ABCA1: variants seen among roughly 807,000 people sequenced by gnomAD.
ABCA1 encodes the protein ATP binding cassette subfamily A member 1, also known as phospholipid-transporting ATPase ABCA1.
In ABCA1, 133 loss-of-function variants were observed where a neutral mutation model predicts 262.5. The observed-to-expected ratio is 0.51, with a 90% CI of 0.44 to 0.59. The LOEUF (loss-of-function observed/expected upper bound fraction) is 0.59, where lower values mean the gene tolerates loss of function less well. ABCA1 is among the 20% of genes least tolerant of loss of function. The probability of loss-of-function intolerance (pLI) is 0.00; values close to 1 mark genes in which losing one functional copy is unlikely to be tolerated. For missense variants in ABCA1, 2,452 were observed against 2,777.5 expected (o/e 0.88, Z 2.63); for synonymous variants, 1,022 against 1,043.5 (o/e 0.98, Z 0.40).
intron 7 of ABCA1, among the ~76,000 whole-genome samples, chr9:104,848,815 A>G (rs550130979): frequency 6.6e-6 from 1 of 152,144 alleles, no homozygotes; most frequent in East Asian, 1.9e-4. Flanking sequence ...TCCGCATACT[A>G]CAATCTGCTT....
rs1400391387 is a variant in ABCA1 at position 104,796,209 on chromosome 9, CA to C, written c.5238-13del. 2 of 1,614,030 alleles carry C rather than the reference CA, an allele frequency of 1.2e-6. No individual in the cohort carries two copies. Among genetic ancestry groups the C allele is most frequent in the African/African-American group, 1.3e-5 (1 of 74,932 alleles). On this transcript the variant is annotated splice_polypyrimidine_tract_variant and intron_variant, in intron 38 of 49. Coordinates refer to ENST00000374736, the MANE Select transcript of ABCA1 (RefSeq NM_005502.4). The stretch of plus-strand genomic sequence containing the variant: ...GTGTGATTGACCACCTGTTGAGACA[CA>C]AAAAGATAAGTGTCTACTGAGAGTC...
intron 20 of ABCA1, 30 bp from the exon 21 acceptor site, chr9:104,820,099 G>GC (rs1832180087): frequency 6.2e-7 from 1 of 1,613,978 alleles, no homozygotes; most frequent in Admixed American, 1.7e-5. Flanking sequence ...TCAGCTCTGG[G>GC]CCCTACTGGA....
At chr9:104,838,872 C>T (rs918244764) in intron 9 of ABCA1, among the ~76,000 whole-genome samples, 25 of 151,618 alleles carry the variant, frequency 1.6e-4, no homozygotes, top group Non-Finnish European at 2.8e-4. Flanking sequence ...ATGAAGGCTT[C>T]CTTGGGTCAA....
At chr9:104,848,771 C>T (rs980696873) in intron 7 of ABCA1, among the ~76,000 whole-genome samples, 2 of 152,056 alleles carry the variant, frequency 1.3e-5, no homozygotes, top group Non-Finnish European at 2.9e-5. Flanking sequence ...GTATGCTTTG[C>T]GCCAACGTGC....
chr9:104,801,958 T>C, intron 34 of ABCA1, 96 bp downstream of exon 34: 1 of 1,127,242 alleles, frequency 8.9e-7, no homozygotes. Flanking sequence ...TTCAGAACAA[T>C]GAGCTGCCAG....
At chr9:104,801,116 T>TAAAAA (rs72121018) in intron 34 of ABCA1, among the ~76,000 whole-genome samples, 115,063 of 145,344 alleles carry the variant, frequency 0.79, 45,568 homozygotes, top group Admixed American at 0.82. Flanking sequence ...CTTGCCAGCT[T>TAAAAA]AAAAAAAAAA....
chr9:104,903,931 C>G (rs1840878880), intron 1 of ABCA1, among the ~76,000 whole-genome samples, 160 bp from the exon 2 acceptor site: 1 of 152,218 alleles, frequency 6.6e-6, no homozygotes, highest in Non-Finnish European at 1.5e-5. Flanking sequence ...CTCCCAGCCT[C>G]TGGGTTCACC....
chr9:104,828,801 G>A, intron 15 of ABCA1, 115 bp downstream of exon 15: 1 of 1,076,052 alleles, frequency 9.3e-7, no homozygotes, highest in East Asian at 2.6e-5. Flanking sequence ...GGAAATGACA[G>A]GTATGACCCC....
intron 35 of ABCA1, 95 bp from the exon 36 acceptor site, chr9:104,800,083 A>G: frequency 2.2e-6 from 3 of 1,385,088 alleles, no homozygotes; most frequent in Non-Finnish European, 3.1e-6. Context: ...AACCTCAGAA[A>G]GAAATTCTAG....
At position 104,790,981 on chromosome 9, in the gene ABCA1, G is replaced by A. The variant is rs1374304131; in HGVS notation, c.5868C>T (p.Phe1956=). 2.5e-6 allele frequency: 4 copies of A among 1,613,732 alleles called. No homozygotes were observed. Among genetic ancestry groups the A allele is most frequent in the African/African-American group, 2.7e-5 (2 of 74,906 alleles). The part of the protein sequence containing the change: ...GVNGAGKSST[F]KMLTGDTTVT... ...CAGTGGTATCTCCTGTTAACATCTTGAAAGTTGATGATTTTCCAGCCCCAT... is the reference window on the plus strand; with the variant it reads ...CAGTGGTATCTCCTGTTAACATCTTAAAAGTTGATGATTTTCCAGCCCCAT... The change falls in exon 44 of 50, where the codon TTC becomes TTT. Residue 1956 remains phenylalanine, a synonymous_variant. Coordinates refer to ENST00000374736, the MANE Select transcript of ABCA1 (RefSeq NM_005502.4).
intron 5 of ABCA1, among the ~76,000 whole-genome samples, chr9:104,864,374 G>C (rs1393396454): frequency 6.6e-6 from 1 of 151,968 alleles, no homozygotes; most frequent in Non-Finnish European, 1.5e-5. Flanking sequence ...GCGACATCCG[G>C]GGTCACTTTC....
intron 30 of ABCA1, 117 bp downstream of exon 30, chr9:104,809,349 T>A: frequency 9.9e-7 from 1 of 1,005,188 alleles, no homozygotes; most frequent in Non-Finnish European, 1.5e-6. Flanking sequence ...ATAATAATAA[T>A]TCAAAGGGCA....
intron 5 of ABCA1, among the ~76,000 whole-genome samples, chr9:104,869,728 C>G (rs1314293055): frequency 1.3e-5 from 2 of 152,116 alleles, no homozygotes; most frequent in African/African-American, 4.8e-5. Context: ...TGCTGTTCAT[C>G]CCGGCCTGGG....
At chr9:104,873,788 G>A (rs1040281650) in intron 5 of ABCA1, among the ~76,000 whole-genome samples, 4 of 152,148 alleles carry the variant, frequency 2.6e-5, no homozygotes, top group South Asian at 4.1e-4. Context: ...CCCCTTATTC[G>A]TCCATTAATT....
intron 8 of ABCA1, among the ~76,000 whole-genome samples, chr9:104,843,421 T>C (rs1564168985): frequency 6.6e-6 from 1 of 152,222 alleles, no homozygotes; most frequent in African/African-American, 2.4e-5. Context: ...GTTCTGCTAG[T>C]GCGTATTTTC....
chr9:104,866,734 C>A (rs889787014), intron 5 of ABCA1, among the ~76,000 whole-genome samples: 1 of 152,164 alleles, frequency 6.6e-6, no homozygotes, highest in African/African-American at 2.4e-5. Context: ...GTGATCCACT[C>A]GCCTTGGCCT....
Position 104,864,667 on chromosome 9 carries a change from C to T in ABCA1, c.422-2867G>A, listed in dbSNP as rs544861785. ...CACTGACTAGGTGGGCCATAGCTTC[C>T]TCCTGAGCAGAGCCAGAGCAATACA... On this transcript the variant is annotated intron_variant, in intron 5 of 49. Coordinates refer to ENST00000374736, the MANE Select transcript of ABCA1 (RefSeq NM_005502.4). Among the ~76,000 whole-genome samples, 7 of 152,182 alleles carry T rather than the reference C, an allele frequency of 4.6e-5. No individual in the cohort carries two copies. The East Asian group carries it at 1.4e-3, about 29-fold the overall frequency.
At chr9:104,878,605 T>C (rs1296779111) in intron 5 of ABCA1, among the ~76,000 whole-genome samples, 1 of 152,190 alleles carries the variant, frequency 6.6e-6, no homozygotes, top group Admixed American at 6.5e-5. Flanking sequence ...AGAATAGAAA[T>C]TCCATATGGA....
chr9:104,800,405 C>G, intron 35 of ABCA1, 105 bp downstream of exon 35: 1 of 1,074,662 alleles, frequency 9.3e-7, no homozygotes, highest in Non-Finnish European at 1.4e-6. Flanking sequence ...TTGCTCTTTT[C>G]TGTTGTGAAT....
Sources: gnomAD v4.1 joint callset for allele counts (sites outside exome capture counted in the v4.1 genomes callset) on GRCh38, gnomAD v4.1.1 for gene constraint, MANE v1.5 for transcripts, NCBI Gene and HGNC (gene_info 2026-07-23, HGNC 2026-07-21) for gene names.